PRKN: variants seen among roughly 807,000 people sequenced by gnomAD.
The protein encoded by PRKN is parkin RBR E3 ubiquitin protein ligase.
In PRKN, 56 loss-of-function variants were observed where a neutral mutation model predicts 59.5. The ratio of observed to expected loss-of-function variants is 0.94; its 90% CI spans 0.76 to 1.18. PRKN has a LOEUF of 1.18. PRKN is among the 50% of genes most tolerant of loss of function. The pLI is 0.00. For missense variants in PRKN, 657 were observed against 596.4 expected, an observed-to-expected ratio of 1.10 and a Z score of -1.06; for synonymous variants, 250 against 222.1, an observed-to-expected ratio of 1.13 and a Z score of -1.12.
At chr6:162,166,391 TGGA>T (rs1444705654) in intron 4 of PRKN, among the ~76,000 whole-genome samples, 2 of 152,262 alleles carry the variant, frequency 1.3e-5, no homozygotes, top group African/African-American at 4.8e-5. Flanking sequence ...GTGGAGGGCT[TGGA>T]ACTGACCAGG....
chr6:162,081,999 G>C (rs1190826275), intron 4 of PRKN, among the ~76,000 whole-genome samples: 1 of 152,052 alleles, frequency 6.6e-6, no homozygotes, highest in African/African-American at 2.4e-5. Flanking sequence ...AACTTTTCTT[G>C]TGCAGCTTCC....
chr6:162,221,520 C>T (rs1410767102), intron 3 of PRKN, among the ~76,000 whole-genome samples: 1 of 152,100 alleles, frequency 6.6e-6, no homozygotes, highest in Non-Finnish European at 1.5e-5. Flanking sequence ...AAATTTGGAG[C>T]AGCAGAGAAC....
chr6:162,533,730 G>A (rs1778603975), intron 1 of PRKN, among the ~76,000 whole-genome samples: 1 of 151,968 alleles, frequency 6.6e-6, no homozygotes, highest in East Asian at 1.9e-4. Context: ...CAACACTTTG[G>A]GAGGCCGAGG....
intron 3 of PRKN, among the ~76,000 whole-genome samples, chr6:162,242,261 T>A (rs956083763): frequency 1.3e-5 from 2 of 152,086 alleles, no homozygotes; most frequent in African/African-American, 4.8e-5. Flanking sequence ...AAGTATAGAA[T>A]CCAGGAGGTG....
rs1341689184 is a variant in PRKN, at chr6:162,056,355, C to T, written c.535-2181G>A. ...ATACCACACAGCACACAGGCATACA[C>T]ATACTACATACACTCACACACTCAT... On this transcript the variant is annotated intron_variant, in intron 4 of 11. Transcript: ENST00000366898. The surrounding 1 kb of genome is among the most constrained non-coding windows in gnomAD (Gnocchi z 4.9). 6.6e-6 allele frequency among the ~76,000 whole-genome samples: 1 copy of T among 151,818 alleles called. No homozygotes were observed. Among genetic ancestry groups the T allele is most frequent in the Non-Finnish European group, 1.5e-5 (1 of 67,916 alleles).
At chr6:162,710,531 C>T (rs1206739123) in intron 1 of PRKN, among the ~76,000 whole-genome samples, 1 of 152,010 alleles carries the variant, frequency 6.6e-6, no homozygotes, top group Non-Finnish European at 1.5e-5. Context: ...TTAGTGCTTC[C>T]CAGTGGGAAA....
chr6:161,481,585 A>G (rs922211063), intron 9 of PRKN, among the ~76,000 whole-genome samples: 1 of 152,194 alleles, frequency 6.6e-6, no homozygotes, highest in African/African-American at 2.4e-5. Flanking sequence ...ACCTGGCGAC[A>G]GAGCAAGACT....
intron 2 of PRKN, among the ~76,000 whole-genome samples, chr6:162,337,979 T>A (rs910503746): frequency 6.6e-6 from 1 of 152,178 alleles, no homozygotes; most frequent in Non-Finnish European, 1.5e-5. Flanking sequence ...TAAATGCATC[T>A]TTAAATATCT....
intron 3 of PRKN, among the ~76,000 whole-genome samples, chr6:162,260,395 G>C (rs1191333133): frequency 1.4e-4 from 21 of 152,068 alleles, no homozygotes; most frequent in Admixed American, 1.4e-3. Context: ...TCTATTGTTT[G>C]GGTTGAAATA....
intron 6 of PRKN, among the ~76,000 whole-genome samples, chr6:161,927,707 G>A (rs1583357452): frequency 1.3e-5 from 2 of 151,742 alleles, no homozygotes; most frequent in East Asian, 1.9e-4. Context: ...CTTGGGAGGC[G>A]GAAGTTGCAG....
intron 6 of PRKN, among the ~76,000 whole-genome samples, chr6:161,900,116 T>TATAA (rs1554244860): frequency 6.6e-6 from 1 of 151,180 alleles, no homozygotes; most frequent in Non-Finnish European, 1.5e-5. Context: ...GACTCAAAAA[T>TATAA]AATAAAATAA....
chr6:161,980,966 TCACA>T (rs1781237639), intron 5 of PRKN, among the ~76,000 whole-genome samples: 1 of 152,220 alleles, frequency 6.6e-6, no homozygotes, highest in African/African-American at 2.4e-5. Context: ...ACAGAAATAC[TCACA>T]CAAATATACA....
intron 6 of PRKN, among the ~76,000 whole-genome samples, chr6:161,908,909 A>C (rs113718589): frequency 0.016 from 2,431 of 152,342 alleles, 65 homozygotes; most frequent in African/African-American, 0.053. Context: ...TGACGTCCAA[A>C]TGTAGCTACA....
chr6:161,677,517 G>A (rs548868640), intron 7 of PRKN, among the ~76,000 whole-genome samples: 2 of 152,306 alleles, frequency 1.3e-5, no homozygotes, highest in South Asian at 2.1e-4. Flanking sequence ...GTGGTAGCAC[G>A]AAGCCAGCAC....
At chr6:161,630,390 C>T (rs987988297) in intron 7 of PRKN, among the ~76,000 whole-genome samples, 3 of 152,096 alleles carry the variant, frequency 2.0e-5, no homozygotes, top group Non-Finnish European at 2.9e-5. Context: ...GTGACACACA[C>T]GGTATGTCCC....
At chr6:162,036,119 T>C (rs1020292403) in intron 5 of PRKN, among the ~76,000 whole-genome samples, 1 of 151,624 alleles carries the variant, frequency 6.6e-6, no homozygotes, top group Non-Finnish European at 1.5e-5. Context: ...GGTCAGGAGA[T>C]AGAGACGATC....
intron 5 of PRKN, among the ~76,000 whole-genome samples, chr6:162,041,284 G>C (rs936684477): frequency 1.3e-5 from 2 of 152,160 alleles, no homozygotes; most frequent in African/African-American, 4.8e-5. Context: ...CTGTGTATTA[G>C]ATAGCTCATG....
chr6:161,524,076 C>T (rs1204962131), intron 9 of PRKN, among the ~76,000 whole-genome samples: 1 of 152,070 alleles, frequency 6.6e-6, no homozygotes, highest in Admixed American at 6.6e-5. Flanking sequence ...ACATAAAAAT[C>T]CCTTGTTTCC....
At chr6:161,732,761 C>A (rs912635394) in intron 7 of PRKN, among the ~76,000 whole-genome samples, 6 of 152,124 alleles carry the variant, frequency 3.9e-5, no homozygotes, top group African/African-American at 1.4e-4. Flanking sequence ...TTAAAGATGT[C>A]AGAGTTTTAT....
Sources: gnomAD v4.1 joint callset for allele counts (sites outside exome capture counted in the v4.1 genomes callset) on GRCh38, gnomAD v4.1.1 for gene constraint, Gnocchi (gnomAD v3.1) non-coding constraint, MANE v1.5 for transcripts, NCBI Gene and HGNC (gene_info 2026-07-23, HGNC 2026-07-21) for gene names.